The following MDGA2 variants were observed in gnomAD, a reference collection of about 807,000 sequenced individuals.
The protein encoded by MDGA2 is MAM domain containing glycosylphosphatidylinositol anchor 2.
MDGA2 carries 40 observed loss-of-function variants against 117.8 expected under a neutral mutation model. That is an observed-to-expected ratio of 0.34 (90% CI 0.26 to 0.44). MDGA2 has a LOEUF of 0.44. Among genes scored for constraint, MDGA2 ranks in the 20% least tolerant of loss-of-function variants. MDGA2 has a pLI of 1.00. For synonymous variants in MDGA2, 452 were observed against 439.0 expected (o/e 1.03, Z -0.37); for missense variants, 1,123 against 1,250.6 (o/e 0.90, Z 1.54).
chr14:47,074,883 T>C (rs1253878861), intron 6 of MDGA2, among the ~76,000 whole-genome samples: 2 of 152,202 alleles, frequency 1.3e-5, no homozygotes, highest in African/African-American at 4.8e-5. Context: ...TACAGTTGCT[T>C]ATTTCCCATT....
intron 2 of MDGA2, among the ~76,000 whole-genome samples, chr14:47,232,309 C>A (rs1247102865): frequency 6.6e-6 from 1 of 151,752 alleles, no homozygotes; most frequent in East Asian, 1.9e-4. Context: ...GTACATTTTT[C>A]TTGGACCTTG....
chr14:47,236,578 A>C (rs1347453522), intron 2 of MDGA2, among the ~76,000 whole-genome samples: 1 of 152,314 alleles, frequency 6.6e-6, no homozygotes, highest in Admixed American at 6.5e-5. Context: ...TGTCTTCTCA[A>C]ATGCTTCCCT....
chr14:47,061,258 T>C lies in MDGA2; in HGVS notation c.1516A>G (p.Ser506Gly). Residue 506 changes from serine to glycine, a missense_variant, in exon 7 of 17, where the codon AGC (serine) becomes GGC (glycine). Transcript: ENST00000399232. ...AATATATGCCTCTTACCTGTGCTGC[T>C]GGATATATTAACATCGATACTGATA... Reference protein sequence around the residue: ...SDISIDVNISSSTVPPNLTVP... With the variant: ...SDISIDVNISGSTVPPNLTVP... 6.2e-7 allele frequency: 1 copy of C among 1,612,222 alleles called. No homozygotes were observed. The highest frequency in any genetic ancestry group is 8.5e-7 in the Non-Finnish European group (1 of 1,178,540).
In MDGA2 at chr14:46,957,571, C is replaced by T. The variant is rs1324361898; in HGVS notation, c.1892G>A (p.Arg631Lys). The T allele has an allele frequency of 4.3e-6, 7 of 1,614,148 alleles. No homozygotes were observed. The highest frequency in any genetic ancestry group is 5.9e-6 in the Non-Finnish European group (7 of 1,180,022). ...GQDRSVTMSC[R>K]VLRAYPIRVL... The stretch of plus-strand genomic sequence containing the variant: ...CCGTATTGGATAGGCTCTCAGTACT[C>T]TGCAACTCATAGTGACACTTCGATC... The change falls in exon 9 of 17, where the codon AGA becomes AAA. Residue 631 changes from arginine to lysine, a missense_variant. By Grantham distance (26) the Arg-to-Lys change is conservative. Coordinates refer to ENST00000399232, the MANE Select transcript of MDGA2 (RefSeq NM_001113498.3).
chr14:47,059,780 C>G (rs1889814945), intron 7 of MDGA2, among the ~76,000 whole-genome samples: 1 of 152,024 alleles, frequency 6.6e-6, no homozygotes, highest in African/African-American at 2.4e-5. Context: ...CAAACCAAAC[C>G]AAACAAAGAA....
intron 2 of MDGA2, among the ~76,000 whole-genome samples, chr14:47,239,385 A>G (rs1886967788): frequency 6.6e-6 from 1 of 151,794 alleles, no homozygotes; most frequent in Admixed American, 6.6e-5. Context: ...AATATAAATT[A>G]CTGTACATTG....
intron 1 of MDGA2, among the ~76,000 whole-genome samples, chr14:47,393,755 C>T (rs555247017): frequency 6.6e-6 from 1 of 152,252 alleles, no homozygotes; most frequent in East Asian, 1.9e-4. Flanking sequence ...TGATCACCAG[C>T]TATTTTTCCA....
At chr14:46,974,676 C>T (rs749508391) in intron 8 of MDGA2, among the ~76,000 whole-genome samples, 5 of 151,936 alleles carry the variant, frequency 3.3e-5, no homozygotes, top group Admixed American at 6.6e-5. Context: ...TATTCACATG[C>T]AAAAGAATTA....
intron 7 of MDGA2, among the ~76,000 whole-genome samples, chr14:47,039,532 G>A (rs1050829797): frequency 1.4e-4 from 22 of 152,200 alleles, no homozygotes; most frequent in East Asian, 1.9e-4. Context: ...ATTCTTCCAG[G>A]CTTCCTGCTG....
intron 1 of MDGA2, among the ~76,000 whole-genome samples, chr14:47,384,756 A>T (rs930758378): frequency 6.6e-6 from 1 of 152,116 alleles, no homozygotes; most frequent in Non-Finnish European, 1.5e-5. Flanking sequence ...TCCAGTGGAG[A>T]ACAAAATATT....
intron 14 of MDGA2, chr14:46,871,941 C>A (rs951186625): frequency 1.1e-5 from 4 of 360,356 alleles, no homozygotes; most frequent in African/African-American, 6.2e-5. Context: ...TGAGACCAGC[C>A]TGGGCAACAT....
At chr14:47,251,192 T>G (rs1035026073) in intron 2 of MDGA2, among the ~76,000 whole-genome samples, 3 of 152,210 alleles carry the variant, frequency 2.0e-5, no homozygotes, top group Non-Finnish European at 4.4e-5. Context: ...GAATTCTTCA[T>G]TGCAGTCCTT....
At chr14:47,589,342 G>C (rs954915558) in intron 1 of MDGA2, among the ~76,000 whole-genome samples, 1 of 151,784 alleles carries the variant, frequency 6.6e-6, no homozygotes, top group Non-Finnish European at 1.5e-5. Flanking sequence ...TAATTCATTT[G>C]GCATTAATTT....
intron 1 of MDGA2, among the ~76,000 whole-genome samples, chr14:47,592,050 A>C (rs539274373): frequency 6.6e-6 from 1 of 152,024 alleles, no homozygotes; most frequent in Non-Finnish European, 1.5e-5. Context: ...AAATCTAAGG[A>C]AAAAAAATCG....
chr14:47,177,115 C>G (rs1174003836), intron 3 of MDGA2, among the ~76,000 whole-genome samples: 2 of 152,160 alleles, frequency 1.3e-5, no homozygotes, highest in African/African-American at 4.8e-5. Context: ...CCATCTCACA[C>G]CAGTTAGAAT....
chr14:47,261,008 G>A (rs1434014522), intron 2 of MDGA2, among the ~76,000 whole-genome samples: 4 of 152,004 alleles, frequency 2.6e-5, no homozygotes, highest in Non-Finnish European at 5.9e-5. Flanking sequence ...TAATAATATG[G>A]ACAAGAATGG....
chr14:46,883,227 C>T (rs1478183738), intron 10 of MDGA2, among the ~76,000 whole-genome samples: 1 of 151,984 alleles, frequency 6.6e-6, no homozygotes, highest in Non-Finnish European at 1.5e-5. Context: ...ATTCATCATA[C>T]AGTACTGTTA....
chr14:47,271,682 C>T (rs773499809), intron 2 of MDGA2, among the ~76,000 whole-genome samples: 1 of 151,320 alleles, frequency 6.6e-6, no homozygotes, highest in Non-Finnish European at 1.5e-5. Context: ...TCTTTTCTCC[C>T]TTTAGACATA....
At chr14:46,897,553 T>C (rs1214127607) in intron 10 of MDGA2, among the ~76,000 whole-genome samples, 1 of 152,082 alleles carries the variant, frequency 6.6e-6, no homozygotes, top group Non-Finnish European at 1.5e-5. Context: ...GAGTCTTTGT[T>C]CTCCTTATAT....
Sources: gnomAD v4.1 joint callset for allele counts (sites outside exome capture counted in the v4.1 genomes callset) on GRCh38, gnomAD v4.1.1 for gene constraint, MANE v1.5 for transcripts, NCBI Gene and HGNC (gene_info 2026-07-23, HGNC 2026-07-21) for gene names.